SYT13: variants seen among roughly 807,000 people sequenced by gnomAD.
SYT13 encodes the protein synaptotagmin 13.
Under a neutral mutation model 38.6 loss-of-function variants are expected in SYT13, and 21 were observed. That is an observed-to-expected ratio of 0.54 (90% CI 0.39 to 0.78). The LOEUF (loss-of-function observed/expected upper bound fraction) is 0.78. SYT13 is among the 30% of genes least tolerant of loss of function. The pLI, the probability that SYT13 is intolerant of heterozygous loss-of-function variation, is 0.00. For synonymous variants in SYT13, 241 were observed against 237.6 expected, an observed-to-expected ratio of 1.01 and a Z score of -0.13; for missense variants, 495 against 548.7, an observed-to-expected ratio of 0.90 and a Z score of 0.98.
intron 1 of SYT13, among the ~76,000 whole-genome samples, chr11:45,280,933 G>T (rs890218305): frequency 5.9e-5 from 9 of 152,216 alleles, no homozygotes; most frequent in Non-Finnish European, 1.3e-4. Flanking sequence ...GCTGGCTCAC[G>T]CCTGTAATCC....
Position 45,286,013 on chromosome 11 carries a change from G to A in SYT13, c.183+12C>T. 7 of 1,601,996 alleles carry A rather than the reference G, an allele frequency of 4.4e-6. No homozygotes were observed. The highest frequency in any genetic ancestry group is 5.9e-6 in the Non-Finnish European group (7 of 1,178,372). On this transcript the variant is annotated intron_variant, in intron 1 of 5. Coordinates refer to ENST00000020926, the MANE Select transcript of SYT13 (RefSeq NM_020826.3). ...CTTGCCCGGGAAGGGCCTGCGCGCC[G>A]CCCCCGCTCACCTGTTGTGCAGACC... is the stretch of plus-strand genomic sequence containing the variant.
At chr11:45,254,585 G>A in intron 2 of SYT13, 181 bp from the exon 3 acceptor site, 1 of 701,824 alleles carries the variant, frequency 1.4e-6, no homozygotes. Flanking sequence ...CCATTAGGCT[G>A]CATCTGTGTC....
Position 45,254,841 on chromosome 11 carries a change from T to C in SYT13, c.410-437A>G, listed in dbSNP as rs200092745. Reference sequence around the variant, plus strand: ...AATAACAATATGTTTCGACGGGGCATGGTGGCTCATGCCTGTAACCCCAGC... The same window carrying C: ...AATAACAATATGTTTCGACGGGGCACGGTGGCTCATGCCTGTAACCCCAGC... On this transcript the variant is annotated intron_variant, in intron 2 of 5. Coordinates refer to ENST00000020926, the MANE Select transcript of SYT13 (RefSeq NM_020826.3). Among the ~76,000 whole-genome samples the C allele has an allele frequency of 3.3e-5, 5 of 152,150 alleles. 1 individual carries two copies. The East Asian group carries it at 7.7e-4, about 23-fold the overall frequency.
chr11:45,256,347 G>T (rs181405362), intron 1 of SYT13, among the ~76,000 whole-genome samples: 10 of 151,872 alleles, frequency 6.6e-5, no homozygotes, highest in Non-Finnish European at 1.3e-4. Flanking sequence ...CTCTGATATC[G>T]CCCCCAATCC....
rs1213407107 is a variant in SYT13, at chr11:45,273,415, G to A, written c.183+12610C>T. 2.6e-5 allele frequency among the ~76,000 whole-genome samples: 4 copies of A among 151,714 alleles called. No homozygotes were observed. The East Asian group carries it at 5.9e-4, about 22-fold the overall frequency. ...CTCCACCTGATGCCAAAAGGCAGAG[G>A]AGTTGGTCAATGCAGCTGATAGGTG... On this transcript the variant is annotated intron_variant, in intron 1 of 5. Transcript: ENST00000020926.
At chr11:45,281,679 A>AG (rs1565399653) in intron 1 of SYT13, among the ~76,000 whole-genome samples, 15 of 149,454 alleles carry the variant, frequency 1.0e-4, no homozygotes, top group Non-Finnish European at 1.3e-4. Flanking sequence ...AAAAAAAAAA[A>AG]AAAAATTGGT....
At chr11:45,274,845 G>A (rs775098845) in intron 1 of SYT13, among the ~76,000 whole-genome samples, 13 of 152,100 alleles carry the variant, frequency 8.5e-5, no homozygotes, top group Non-Finnish European at 1.6e-4. Context: ...AACCTGTGTG[G>A]TTTATAATGC....
At position 45,286,301 on chromosome 11, in the gene SYT13, CA is replaced by C; in HGVS notation, c.-95del. 1 of 1,374,246 alleles carries C rather than the reference CA, an allele frequency of 7.3e-7. No individual in the cohort carries two copies. Among genetic ancestry groups the C allele is most frequent in the South Asian group, 1.5e-5 (1 of 66,034 alleles). The allele number at this position is 1,374,246 out of a possible 1,614,324, so 85.1% of individuals were successfully genotyped here. A position where few individuals can be genotyped will look rare whatever the true frequency, so the allele number is the denominator to read the frequency against. On this transcript the variant is annotated 5_prime_UTR_variant, in exon 1 of 6. Coordinates refer to ENST00000020926, the MANE Select transcript of SYT13 (RefSeq NM_020826.3). ...GGCAGCTCCCGGGATCCGGGCGAGC[CA>C]GCAGCTCTCCCGCCGCCAGAGGGGC...
chr11:45,266,507 C>CAT (rs757153862), intron 1 of SYT13, among the ~76,000 whole-genome samples: 1 of 71,950 alleles, frequency 1.4e-5, no homozygotes, highest in Non-Finnish European at 3.0e-5. Flanking sequence ...CTCAAATACA[C>CAT]ACACACACAC....
In SYT13 at chr11:45,286,138, A is replaced by T; in HGVS notation, c.70T>A (p.Cys24Ser). The T allele has an allele frequency of 6.3e-7, 1 of 1,596,344 alleles. No homozygotes were observed. The highest frequency in any genetic ancestry group is 2.3e-5 in the East Asian group (1 of 44,258). The part of the protein sequence containing the change: ...LGTATSILAL[C>S]GVTCLCRHMH... ...TGCCGACACAGGCAGGTGACCCCGCACAACGCGAGGATGCTGGTGGCTGTG... is the reference window on the plus strand; with the variant it reads ...TGCCGACACAGGCAGGTGACCCCGCTCAACGCGAGGATGCTGGTGGCTGTG... Residue 24 changes from cysteine (C) to serine (S), a missense_variant, in exon 1 of 6, where the codon TGC becomes AGC. Physicochemically the swap from Cys to Ser is moderately radical, Grantham distance 112. Coordinates refer to ENST00000020926, the MANE Select transcript of SYT13 (RefSeq NM_020826.3).
chr11:45,255,428 A>G (rs1375351527), intron 2 of SYT13, among the ~76,000 whole-genome samples: 3 of 152,182 alleles, frequency 2.0e-5, no homozygotes, highest in Non-Finnish European at 4.4e-5. Context: ...CACACATATG[A>G]CTAGAAAGGG....
intron 4 of SYT13, 59 bp from the exon 5 acceptor site, chr11:45,246,571 T>C (rs1175560366): frequency 2.5e-6 from 4 of 1,583,618 alleles, no homozygotes; most frequent in Non-Finnish European, 3.4e-6. Flanking sequence ...TTCCAACCCA[T>C]CAACAAATGC....
chr11:45,249,682 A>G (rs1302050001), intron 4 of SYT13, among the ~76,000 whole-genome samples: 1 of 152,160 alleles, frequency 6.6e-6, no homozygotes, highest in African/African-American at 2.4e-5. Flanking sequence ...TCTCACTCTT[A>G]GGTGGGAATT....
intron 1 of SYT13, among the ~76,000 whole-genome samples, chr11:45,282,084 G>A (rs1362619770): frequency 2.6e-5 from 4 of 152,130 alleles, no homozygotes; most frequent in African/African-American, 7.2e-5. Context: ...GGGTCTGGCC[G>A]CCGCTCACTA....
chr11:45,266,160 TTGC>T (rs2135901357), intron 1 of SYT13, among the ~76,000 whole-genome samples: 1 of 152,274 alleles, frequency 6.6e-6, no homozygotes, highest in South Asian at 2.1e-4. Context: ...CTCAGCAAGT[TTGC>T]TGAGTGATTC....
In SYT13 at chr11:45,286,232, G is replaced by A. The variant is rs1255791681; in HGVS notation, c.-25C>T. Reference sequence around the variant, plus strand: ...TGGTGCCCGCTCCCGGCGAGGGGCTGGGTCCCGCAGCCGCTCACCTTCCCC... The same window carrying A: ...TGGTGCCCGCTCCCGGCGAGGGGCTAGGTCCCGCAGCCGCTCACCTTCCCC... On this transcript the variant is annotated 5_prime_UTR_variant, in exon 1 of 6. Transcript: ENST00000020926. The A allele has an allele frequency of 1.5e-5, 23 of 1,516,090 alleles. No homozygotes were observed. Among genetic ancestry groups the A allele is most frequent in the South Asian group, 2.5e-5 (2 of 80,656 alleles). The allele number at this position is 1,516,090 out of a possible 1,614,324, so 93.9% of individuals were successfully genotyped here.
intron 1 of SYT13, among the ~76,000 whole-genome samples, chr11:45,267,759 C>T (rs1298393882): frequency 6.6e-6 from 1 of 152,138 alleles, no homozygotes; most frequent in Non-Finnish European, 1.5e-5. Flanking sequence ...GGCAAATCCA[C>T]AGTTATTTCT....
At chr11:45,245,925 G>A (rs1854608848) in intron 5 of SYT13, among the ~76,000 whole-genome samples, 2 of 152,214 alleles carry the variant, frequency 1.3e-5, no homozygotes, top group Non-Finnish European at 2.9e-5. Context: ...GTGGTGGTGA[G>A]TTCAGACAGG....
intron 4 of SYT13, among the ~76,000 whole-genome samples, chr11:45,251,512 G>A (rs1442356766): frequency 1.3e-5 from 2 of 151,912 alleles, no homozygotes; most frequent in African/African-American, 4.8e-5. Context: ...GGCTATGCAG[G>A]TTATACAGTC....
Sources: allele counts gnomAD v4.1 joint callset (sites outside exome capture counted in the v4.1 genomes callset), GRCh38; gene constraint gnomAD v4.1.1; transcripts MANE v1.5; gene names NCBI Gene and HGNC (gene_info 2026-07-23, HGNC 2026-07-21).